The following CSMD1 variants were observed in gnomAD, a reference collection of about 807,000 sequenced individuals.
The protein encoded by CSMD1 is CUB and sushi domain-containing protein 1.
CSMD1 carries 213 observed loss-of-function variants against 417.5 expected under a neutral mutation model. The observed-to-expected ratio is 0.51, with a 90% CI of 0.46 to 0.57. The LOEUF (loss-of-function observed/expected upper bound fraction) is 0.57, where lower values mean the gene tolerates loss of function less well. Among genes scored for constraint, CSMD1 ranks in the 20% least tolerant of loss-of-function variants. The pLI is 0.00. For synonymous variants in CSMD1, 2,862 were observed against 1,736.8 expected, an observed-to-expected ratio of 1.65 and a Z score of -16.11; for missense variants, 6,923 against 4,529.7, an observed-to-expected ratio of 1.53 and a Z score of -15.17.
chr8:4,109,226 C>A lies in CSMD1; in HGVS notation c.416-77127G>T, dbSNP rs181782705. The stretch of plus-strand genomic sequence containing the variant: ...ATCCTGAATATTTTCGGTATAGACA[C>A]AACCATCCATTTTTTTTCTGAATGT... On this transcript the variant is annotated intron_variant, in intron 3 of 69. Coordinates refer to ENST00000635120, the MANE Select transcript of CSMD1 (RefSeq NM_033225.6). Among the ~76,000 whole-genome samples the A allele has an allele frequency of 2.9e-3, 443 of 152,206 alleles. 2 individuals are homozygous for A. Among genetic ancestry groups the A allele is most frequent in the Non-Finnish European group, 4.9e-3 (333 of 67,986 alleles).
intron 5 of CSMD1, among the ~76,000 whole-genome samples, chr8:3,791,845 AT>A (rs1202006118): frequency 5.3e-5 from 8 of 151,874 alleles, no homozygotes; most frequent in African/African-American, 7.2e-5. Context: ...TAATAAAAAA[AT>A]AATGTATCAA....
At chr8:4,720,155 A>C (rs1808958235) in intron 1 of CSMD1, among the ~76,000 whole-genome samples, 1 of 127,492 alleles carries the variant, frequency 7.8e-6, no homozygotes, top group Non-Finnish European at 1.7e-5. Context: ...AGCTAGACGT[A>C]TACATACATA....
At chr8:4,194,813 T>G (rs1008387528) in intron 3 of CSMD1, among the ~76,000 whole-genome samples, 1 of 152,036 alleles carries the variant, frequency 6.6e-6, no homozygotes, top group African/African-American at 2.4e-5. Flanking sequence ...CACTATGAGT[T>G]CTGCAAAGAA....
At chr8:4,913,205 G>A (rs949822555) in intron 1 of CSMD1, among the ~76,000 whole-genome samples, 2 of 152,186 alleles carry the variant, frequency 1.3e-5, no homozygotes, top group Non-Finnish European at 1.5e-5. Context: ...AAACCTAGTA[G>A]CGTTGCTGTT....
At chr8:2,949,759 T>C (rs1779453548) in intron 67 of CSMD1, among the ~76,000 whole-genome samples, 1 of 152,224 alleles carries the variant, frequency 6.6e-6, no homozygotes, top group Non-Finnish European at 1.5e-5. Flanking sequence ...GTACATCATG[T>C]ATGGCTGTCT....
chr8:3,885,619 T>C (rs909226482), intron 5 of CSMD1, among the ~76,000 whole-genome samples: 1 of 152,156 alleles, frequency 6.6e-6, no homozygotes, highest in Non-Finnish European at 1.5e-5. Flanking sequence ...GAGCGTCTGC[T>C]CCTTTCATTT....
chr8:3,731,161 C>G (rs142759189), intron 6 of CSMD1, among the ~76,000 whole-genome samples: 1,578 of 152,258 alleles, frequency 0.01, 17 homozygotes, highest in South Asian at 0.033. Flanking sequence ...TGTCTGTTAA[C>G]ACTTCCATCA....
chr8:4,516,850 AT>A (rs561595754), intron 2 of CSMD1, among the ~76,000 whole-genome samples: 325 of 151,968 alleles, frequency 2.1e-3, no homozygotes, highest in African/African-American at 7.5e-3. Flanking sequence ...GATATAGCCA[AT>A]TTTTTTTCTT....
chr8:4,410,044 C>G (rs1796564313), intron 3 of CSMD1, among the ~76,000 whole-genome samples: 1 of 152,166 alleles, frequency 6.6e-6, no homozygotes, highest in African/African-American at 2.4e-5. Context: ...AAACTCTTGA[C>G]CTTGTGATCC....
At chr8:3,101,573 C>G (rs1480323506) in intron 46 of CSMD1, among the ~76,000 whole-genome samples, 2 of 151,962 alleles carry the variant, frequency 1.3e-5, no homozygotes, top group African/African-American at 4.8e-5. Context: ...CAGGGGCCCA[C>G]AACCATGCCT....
intron 3 of CSMD1, among the ~76,000 whole-genome samples, chr8:4,162,926 G>C (rs1447636483): frequency 2.0e-5 from 3 of 152,116 alleles, no homozygotes; most frequent in African/African-American, 7.2e-5. Flanking sequence ...GCAACCACTG[G>C]TCTTTTTACT....
intron 5 of CSMD1, among the ~76,000 whole-genome samples, chr8:3,787,636 G>T (rs751262869): frequency 9.9e-5 from 15 of 152,016 alleles, no homozygotes; most frequent in Non-Finnish European, 1.9e-4. Flanking sequence ...TTATTCCAAG[G>T]AGAAATAAGG....
At chr8:3,366,353 T>G (rs964534619) in intron 20 of CSMD1, among the ~76,000 whole-genome samples, 4 of 150,652 alleles carry the variant, frequency 2.7e-5, no homozygotes, top group Admixed American at 1.3e-4. Context: ...GTTTGGCCAG[T>G]TTTTAAGTGG....
intron 5 of CSMD1, among the ~76,000 whole-genome samples, chr8:3,917,203 G>C (rs1317603429): frequency 6.6e-6 from 1 of 152,160 alleles, no homozygotes; most frequent in African/African-American, 2.4e-5. Context: ...TCTCAGCTAA[G>C]TGTTTCCCAT....
intron 15 of CSMD1, among the ~76,000 whole-genome samples, chr8:3,400,471 A>C (rs951427311): frequency 1.3e-5 from 2 of 152,140 alleles, no homozygotes; most frequent in Middle Eastern, 3.2e-3. Flanking sequence ...TGATGCTAGA[A>C]AAAATGTGAA....
chr8:4,092,962 G>T (rs965022696), intron 3 of CSMD1, among the ~76,000 whole-genome samples: 12 of 152,066 alleles, frequency 7.9e-5, no homozygotes, highest in Admixed American at 1.3e-4. Context: ...ACTCCTCTCT[G>T]TGTGGGGAGT....
intron 12 of CSMD1, among the ~76,000 whole-genome samples, chr8:3,459,406 A>T (rs1391602957): frequency 6.6e-6 from 1 of 152,144 alleles, no homozygotes; most frequent in Non-Finnish European, 1.5e-5. Flanking sequence ...CTTCCTTGCA[A>T]TGCAGCACCA....
At chr8:3,584,010 C>G (rs926160495) in intron 9 of CSMD1, among the ~76,000 whole-genome samples, 1 of 151,886 alleles carries the variant, frequency 6.6e-6, no homozygotes, top group African/African-American at 2.4e-5. Context: ...CTAGTAAAAC[C>G]CATCCACTAT....
chr8:4,276,136 G>C (rs781173613), intron 3 of CSMD1, among the ~76,000 whole-genome samples: 5 of 152,046 alleles, frequency 3.3e-5, no homozygotes, highest in Non-Finnish European at 7.4e-5. Flanking sequence ...TACCCAAAGG[G>C]TTATAAATCA....
Sources: allele counts gnomAD v4.1 joint callset (sites outside exome capture counted in the v4.1 genomes callset), GRCh38; gene constraint gnomAD v4.1.1; transcripts MANE v1.5; gene names NCBI Gene and HGNC (gene_info 2026-07-23, HGNC 2026-07-21).